The following PCNA variants were observed in gnomAD, a reference collection of about 807,000 sequenced individuals.
PCNA encodes the protein DNA sliding clamp PCNA.
A neutral mutation model predicts 27.8 loss-of-function variants in PCNA; 4 were observed. The ratio of observed to expected loss-of-function variants is 0.14; its 90% confidence interval spans 0.07 to 0.33. The LOEUF (loss-of-function observed/expected upper bound fraction) is 0.33. Among genes scored for constraint, PCNA ranks in the 10% least tolerant of loss-of-function variants. The probability of loss-of-function intolerance (pLI) is 1.00; values close to 1 mark genes in which losing one functional copy is unlikely to be tolerated. For synonymous variants in PCNA, 121 were observed against 119.4 expected (o/e 1.01, Z -0.09); for missense variants, 165 against 327.4 (o/e 0.50, Z 3.83).
At chr20:5,125,005 G>A (rs2090537636) in intron 1 of PCNA, among the ~76,000 whole-genome samples, 2 of 152,202 alleles carry the variant, frequency 1.3e-5, no homozygotes, top group South Asian at 4.1e-4. Context: ...ACGTGCCCCT[G>A]AAGGTGAAGT....
upstream of PCNA, among the ~76,000 whole-genome samples, chr20:5,120,232 C>G (rs1568520838): frequency 1.3e-5 from 2 of 152,274 alleles, no homozygotes; most frequent in African/African-American, 2.4e-5. Context: ...CAAGCCCCAG[C>G]TTTATGGTGG....
At chr20:5,126,240 G>A (rs140375644) in intron 1 of PCNA, among the ~76,000 whole-genome samples, 1 of 152,264 alleles carries the variant, frequency 6.6e-6, no homozygotes, top group Non-Finnish European at 1.5e-5. Context: ...ACAAACCACT[G>A]AGGAAGATCT....
At chr20:5,118,915 G>T in intron 1 of PCNA, 49 bp from the exon 2 acceptor site, 1 of 1,338,802 alleles carries the variant, frequency 7.5e-7, no homozygotes, top group Non-Finnish European at 1.1e-6. Flanking sequence ...TCTGCTGAAG[G>T]GCTGTATTTC....
chr20:5,118,738 C>A, intron 2 of PCNA, 31 bp downstream of exon 2: 1 of 1,608,270 alleles, frequency 6.2e-7, no homozygotes, highest in Non-Finnish European at 8.5e-7. Flanking sequence ...TTTTCTGTAG[C>A]TTCGTGACTC....
Position 5,117,653 on chromosome 20 carries a change from G to A in PCNA, c.399C>T (p.Tyr133=). ...VEQLGIPEQE[Y]SCVVKMPSGE... ...CAGAAGGCATCTTTACTACACAGCT[G>A]TACTCCTGTTCCTATTAAGAACAAA... The change falls in exon 4 of 6, where the codon TAC becomes TAT. Residue 133 remains tyrosine, a synonymous_variant. Coordinates refer to ENST00000379143, the MANE Select transcript of PCNA (RefSeq NM_182649.2). The A allele has an allele frequency of 6.2e-7, 1 of 1,604,374 alleles. No individual in the cohort carries two copies. The highest frequency in any genetic ancestry group is 8.5e-7 in the Non-Finnish European group (1 of 1,175,952).
upstream of PCNA, among the ~76,000 whole-genome samples, chr20:5,122,135 T>C (rs1180739331): frequency 2.6e-5 from 4 of 152,038 alleles, no homozygotes; most frequent in Non-Finnish European, 5.9e-5. Context: ...GCATGCGCCA[T>C]CACACCTGGC....
upstream of PCNA, chr20:5,120,020 C>T: frequency 1.7e-6 from 1 of 571,994 alleles, no homozygotes; most frequent in Non-Finnish European, 3.1e-6. Flanking sequence ...ACCACGCTGT[C>T]CAGCCCACGG....
At chr20:5,126,254 C>T in intron 1 of PCNA, among the ~76,000 whole-genome samples, 1 of 152,174 alleles carries the variant, frequency 6.6e-6, no homozygotes, top group East Asian at 1.9e-4. Flanking sequence ...AAGATCTTAA[C>T]TGTAAAATTC....
Position 5,115,345 on chromosome 20 carries a change from C to T in PCNA, c.724G>A (p.Ala242Thr), listed in dbSNP as rs984756437. 1.9e-6 allele frequency: 3 copies of T among 1,613,934 alleles called. No homozygotes were observed. The highest frequency in any genetic ancestry group is 2.5e-6 in the Non-Finnish European group (3 of 1,179,872). Residue 242 changes from alanine to threonine, a missense_variant, in exon 6 of 6, where the codon GCG becomes ACG. Transcript: ENST00000379143. ...TAGTATTTTAAGTGTCCCATATCCG[C>T]AATTTTATACTCTACAACTGAAAGA... ...DVPLVVEYKI[A>T]DMGHLKYYLA...
chr20:5,120,205 TC>T (rs2090509587), upstream of PCNA, among the ~76,000 whole-genome samples: 2 of 152,148 alleles, frequency 1.3e-5, no homozygotes, highest in Admixed American at 1.3e-4. Flanking sequence ...GGAGATCGGG[TC>T]CCGGTCCCGG....
chr20:5,118,568 GCCTGTGTACAGCA>G, intron 3 of PCNA, 29 bp downstream of exon 3: 1 of 1,307,084 alleles, frequency 7.7e-7, no homozygotes, highest in East Asian at 2.3e-5. Flanking sequence ...TAACTATCGT[GCCTGTGTACAGCA>G]CTCTCTACAA....
intron 1 of PCNA, among the ~76,000 whole-genome samples, chr20:5,125,443 G>A (rs1275624761): frequency 6.6e-6 from 1 of 152,018 alleles, no homozygotes; most frequent in East Asian, 1.9e-4. Flanking sequence ...GCAACATAGT[G>A]AGACCCTGTC....
chr20:5,115,128 A>C lies in PCNA; in HGVS notation c.*155T>G. The C allele has an allele frequency of 1.8e-6, 1 of 568,264 alleles. No individual in the cohort carries two copies. The highest frequency in any genetic ancestry group is 3.4e-5 in the Admixed American group (1 of 29,784). 35.2% of individuals were successfully genotyped at this position (568,264 alleles called of 1,614,324 possible). On this transcript the variant is annotated 3_prime_UTR_variant, in exon 6 of 6. Coordinates refer to ENST00000379143, the MANE Select transcript of PCNA (RefSeq NM_182649.2). ...ACTTTATTCTTTAAACAAATTGCAG[A>C]GAATAGAGAAAAAAATAGGTTATTT... is the stretch of plus-strand genomic sequence containing the variant.
chr20:5,120,132 C>A, upstream of PCNA: 1 of 307,460 alleles, frequency 3.3e-6, no homozygotes, highest in Non-Finnish European at 6.4e-6. Flanking sequence ...GGGGCAGCGT[C>A]GCGCAGGTCT....
In PCNA at chr20:5,115,121, A is replaced by T; in HGVS notation, c.*162T>A. On this transcript the variant is annotated 3_prime_UTR_variant, in exon 6 of 6. Coordinates refer to ENST00000379143, the MANE Select transcript of PCNA (RefSeq NM_182649.2). The stretch of plus-strand genomic sequence containing the variant: ...ACTTTGGACTTTATTCTTTAAACAA[A>T]TTGCAGAGAATAGAGAAAAAAATAG... The T allele has an allele frequency of 1.8e-6, 1 of 553,370 alleles. No individual in the cohort carries two copies. The highest frequency in any genetic ancestry group is 2.4e-5 in the South Asian group (1 of 41,180). The allele number at this position is 553,370 out of a possible 1,614,324, so 34.3% of individuals were successfully genotyped here.
At position 5,117,662 on chromosome 20, in the gene PCNA, T is replaced by C; in HGVS notation, c.390A>G (p.Glu130=). ...TCTTTACTACACAGCTGTACTCCTG[T>C]TCCTATTAAGAACAAAAATTTTCCA... ...DLDVEQLGIP[E]QEYSCVVKMP... Residue 130 remains glutamate, a splice_region_variant and synonymous_variant, in exon 4 of 6, where the codon GAA becomes GAG. Transcript: ENST00000379143. The C allele has an allele frequency of 6.5e-7, 1 of 1,550,000 alleles. No homozygotes were observed. Among genetic ancestry groups the C allele is most frequent in the African/African-American group, 1.4e-5 (1 of 72,284 alleles).
upstream of PCNA, among the ~76,000 whole-genome samples, chr20:5,120,501 G>A (rs574540699): frequency 2.6e-5 from 4 of 151,716 alleles, no homozygotes; most frequent in Non-Finnish European, 2.9e-5. Context: ...TCACTCAATC[G>A]TTCATTGTAT....
In PCNA at chr20:5,117,570, G is replaced by T. The variant is rs1327575110; in HGVS notation, c.482C>A (p.Ser161Tyr). The T allele has an allele frequency of 6.2e-7, 1 of 1,613,730 alleles. No homozygotes were observed. Among genetic ancestry groups the T allele is most frequent in the African/African-American group, 1.3e-5 (1 of 74,880 alleles). ...AAATTTCACTCCGTCTTTTGCACAGGAAATTACAACAGCATCTCCAATATG... is the reference window on the plus strand; with the variant it reads ...AAATTTCACTCCGTCTTTTGCACAGTAAATTACAACAGCATCTCCAATATG... ...LSHIGDAVVI[S>Y]CAKDGVKFSA... The change falls in exon 4 of 6, where the codon TCC becomes TAC. Residue 161 changes from serine (S) to tyrosine (Y), a missense_variant. Coordinates refer to ENST00000379143, the MANE Select transcript of PCNA (RefSeq NM_182649.2).
At chr20:5,121,293 G>C (rs1478901843), upstream of PCNA, 1 of 151,164 alleles carries the variant, frequency 6.6e-6, no homozygotes, top group Non-Finnish European at 1.5e-5. Context: ...GGGAACTGAA[G>C]ATTCATTTCA....
Sources: allele counts gnomAD v4.1 joint callset (sites outside exome capture counted in the v4.1 genomes callset), GRCh38; gene constraint gnomAD v4.1.1; transcripts MANE v1.5; gene names NCBI Gene and HGNC (gene_info 2026-07-23, HGNC 2026-07-21).